Variants in VWC2L observed in about 807,000 individuals in gnomAD.
VWC2L encodes von Willebrand factor C domain-containing protein 2-like.
VWC2L carries 10 observed loss-of-function variants against 21.6 expected under a neutral mutation model. That is an observed-to-expected ratio of 0.46 (90% CI 0.29 to 0.78). The LOEUF (loss-of-function observed/expected upper bound fraction) is 0.78, where lower values mean the gene tolerates loss of function less well. Ranked by LOEUF, VWC2L falls within the 30% of genes least tolerant of loss-of-function variation. The probability of loss-of-function intolerance (pLI) is 0.10; values close to 1 mark genes in which losing one functional copy is unlikely to be tolerated. For synonymous variants in VWC2L, 96 were observed against 94.3 expected (o/e 1.02, Z -0.10); for missense variants, 209 against 277.1 (o/e 0.75, Z 1.74).
chr2:214,489,028 T>C (rs990215553), intron 3 of VWC2L, among the ~76,000 whole-genome samples: 2 of 152,218 alleles, frequency 1.3e-5, no homozygotes, highest in Non-Finnish European at 2.9e-5. Flanking sequence ...ACAAACTTGA[T>C]ACATTTGAAT....
chr2:214,509,484 C>A (rs1019948936), intron 3 of VWC2L, among the ~76,000 whole-genome samples: 1 of 150,368 alleles, frequency 6.7e-6, no homozygotes, highest in African/African-American at 2.4e-5. Flanking sequence ...AAAATGTGTT[C>A]GTTGATGATA....
At chr2:214,558,782 T>C (rs1463704940) in intron 3 of VWC2L, among the ~76,000 whole-genome samples, 2 of 152,008 alleles carry the variant, frequency 1.3e-5, no homozygotes, top group East Asian at 3.8e-4. Flanking sequence ...AATTGCACCT[T>C]AGATGCAATA....
intron 3 of VWC2L, among the ~76,000 whole-genome samples, chr2:214,456,483 GA>G (rs1407664013): frequency 6.6e-6 from 1 of 152,014 alleles, no homozygotes; most frequent in Non-Finnish European, 1.5e-5. Flanking sequence ...TTTGTCAGAT[GA>G]AAAGTTCACA....
chr2:214,566,133 A>G (rs1427179687), intron 3 of VWC2L, among the ~76,000 whole-genome samples: 1 of 152,224 alleles, frequency 6.6e-6, no homozygotes, highest in African/African-American at 2.4e-5. Context: ...AGTTTGGCTG[A>G]GAGATTATTC....
rs538643162 is a variant in VWC2L, at chr2:214,567,320, G to A, written c.521-8352G>A. On this transcript the variant is annotated intron_variant, in intron 3 of 3. Transcript: ENST00000312504. ...TCTGGGTCGACAAACAACAGAGCAG[G>A]GTATCTAGTACTGAAAGATCAGATC... 5.3e-5 allele frequency among the ~76,000 whole-genome samples: 8 copies of A among 152,092 alleles called. No individual in the cohort carries two copies. The East Asian group carries it at 5.8e-4, about 11-fold the overall frequency.
intron 3 of VWC2L, among the ~76,000 whole-genome samples, chr2:214,471,742 G>A (rs1188966499): frequency 6.6e-6 from 1 of 152,138 alleles, no homozygotes; most frequent in African/African-American, 2.4e-5. Flanking sequence ...GGAGGTTTGG[G>A]GCTCTGGAAC....
At chr2:214,538,565 C>A (rs1559323624) in intron 3 of VWC2L, among the ~76,000 whole-genome samples, 1 of 150,482 alleles carries the variant, frequency 6.6e-6, no homozygotes. Flanking sequence ...AATAAGAATG[C>A]AAACAGATTC....
At chr2:214,484,520 A>G (rs1688649740) in intron 3 of VWC2L, among the ~76,000 whole-genome samples, 2 of 152,144 alleles carry the variant, frequency 1.3e-5, no homozygotes, top group African/African-American at 4.8e-5. Context: ...ACAATGGCAT[A>G]CACTTACCAC....
intron 3 of VWC2L, among the ~76,000 whole-genome samples, chr2:214,495,438 T>A (rs897473830): frequency 1.5e-4 from 23 of 152,174 alleles, no homozygotes; most frequent in African/African-American, 4.6e-4. Context: ...TTAACTTCAA[T>A]GATTTCGATT....
At chr2:214,517,458 G>T (rs1689161637) in intron 3 of VWC2L, among the ~76,000 whole-genome samples, 1 of 152,120 alleles carries the variant, frequency 6.6e-6, no homozygotes, top group African/African-American at 2.4e-5. Context: ...AACTCATATT[G>T]CCCAAGCCAC....
In VWC2L at chr2:214,578,380, G is replaced by A. The variant is rs1275639707; in HGVS notation, c.*2560G>A. On this transcript the variant is annotated 3_prime_UTR_variant, in exon 4 of 4. Transcript: ENST00000312504. ...TTAAGGATCTCTCTTCAGAGAGTTT[G>A]CAGAAAGCAGGCTGTTCTGTGGCCT... 2 of 152,174 alleles carry A rather than the reference G, an allele frequency of 1.3e-5. No homozygotes were observed. Among genetic ancestry groups the A allele is most frequent in the Non-Finnish European group, 2.9e-5 (2 of 68,020 alleles). 9.4% of individuals were successfully genotyped at this position (152,174 alleles called of 1,614,324 possible).
intron 3 of VWC2L, among the ~76,000 whole-genome samples, chr2:214,562,084 T>G (rs1408472628): frequency 6.6e-6 from 1 of 152,046 alleles, no homozygotes; most frequent in Non-Finnish European, 1.5e-5. Context: ...TTGCTGCACC[T>G]ATCAACTCAT....
chr2:214,450,915 A>C (rs888799015), intron 3 of VWC2L, among the ~76,000 whole-genome samples: 19 of 152,034 alleles, frequency 1.2e-4, no homozygotes, highest in African/African-American at 4.6e-4. Flanking sequence ...CCTTTACAAC[A>C]GTCCTATAAA....
At chr2:214,508,126 A>G (rs776332400) in intron 3 of VWC2L, among the ~76,000 whole-genome samples, 22 of 152,000 alleles carry the variant, frequency 1.4e-4, no homozygotes, top group African/African-American at 4.6e-4. Flanking sequence ...ATAAGCGCCC[A>G]CCACCGTGCC....
intron 3 of VWC2L, among the ~76,000 whole-genome samples, chr2:214,493,028 T>C (rs1688765986): frequency 6.6e-6 from 1 of 152,184 alleles, no homozygotes. Context: ...TGACAAATAA[T>C]TGAGAACAAT....
At chr2:214,544,873 TTAAG>T (rs1443721531) in intron 3 of VWC2L, among the ~76,000 whole-genome samples, 2 of 152,148 alleles carry the variant, frequency 1.3e-5, no homozygotes, top group Non-Finnish European at 2.9e-5. Flanking sequence ...CATAGAGAAG[TTAAG>T]TAAGTTGGCA....
intron 3 of VWC2L, among the ~76,000 whole-genome samples, chr2:214,571,779 A>T (rs1477126584): frequency 6.6e-6 from 1 of 151,412 alleles, no homozygotes; most frequent in Non-Finnish European, 1.5e-5. Context: ...TCTTTCTTTC[A>T]TTCATATTCA....
intron 3 of VWC2L, among the ~76,000 whole-genome samples, chr2:214,533,112 C>A (rs577209513): frequency 6.6e-6 from 1 of 152,016 alleles, no homozygotes; most frequent in African/African-American, 2.4e-5. Flanking sequence ...ATATCTGATT[C>A]GTGGCTCTGC....
chr2:214,545,193 A>G (rs907429437), intron 3 of VWC2L, among the ~76,000 whole-genome samples: 10 of 152,224 alleles, frequency 6.6e-5, no homozygotes, highest in African/African-American at 2.4e-4. Context: ...AGTGGATAAA[A>G]ATATTTTGCA....
Sources: allele counts gnomAD v4.1 joint callset (sites outside exome capture counted in the v4.1 genomes callset), GRCh38; gene constraint gnomAD v4.1.1; transcripts MANE v1.5; gene names NCBI Gene and HGNC (gene_info 2026-07-23, HGNC 2026-07-21).